Variants in DCLK1 observed in about 807,000 individuals in gnomAD.
The protein encoded by DCLK1 is doublecortin like kinase 1.
DCLK1 carries 16 observed loss-of-function variants against 86.2 expected under a neutral mutation model. That is an observed-to-expected ratio of 0.19 (90% confidence interval 0.13 to 0.28). DCLK1 has a LOEUF of 0.28. Among genes scored for constraint, DCLK1 ranks in the 10% least tolerant of loss-of-function variants. The pLI is 1.00. For missense variants in DCLK1, 590 were observed against 940.2 expected, an observed-to-expected ratio of 0.63 and a Z score of 4.87; for synonymous variants, 369 against 370.5, an observed-to-expected ratio of 1.00 and a Z score of 0.05.
chr13:35,774,632 T>C lies in DCLK1; in HGVS notation c.2126A>G (p.Tyr709Cys), dbSNP rs2086392756. ...RRRNQDVRSR[Y>C]KAQPAPPELN... ...TTCGGGAGGAGCTGGCTGCGCCTTG[T>C]ACCGGCTCCTCACATCCTGGTTGCG... Residue 709 changes from tyrosine (Y) to cysteine (C), a missense_variant, in exon 17 of 17, where the codon TAC becomes TGC. Coordinates refer to ENST00000360631, the MANE Select transcript of DCLK1 (RefSeq NM_001330071.2). 6.2e-7 allele frequency: 1 copy of C among 1,607,322 alleles called. No individual in the cohort carries two copies. Among genetic ancestry groups the C allele is most frequent in the Non-Finnish European group, 8.5e-7 (1 of 1,176,852 alleles).
chr13:35,862,624 A>T (rs1309799967), intron 5 of DCLK1, among the ~76,000 whole-genome samples: 1 of 152,196 alleles, frequency 6.6e-6, no homozygotes, highest in Admixed American at 6.5e-5. Flanking sequence ...ACCCTGTGCA[A>T]TTTGACCACA....
intron 5 of DCLK1, chr13:35,855,588 C>G (rs1020152156): frequency 1.3e-6 from 2 of 1,569,862 alleles, no homozygotes; most frequent in East Asian, 4.6e-5. Flanking sequence ...CAGCACTAAG[C>G]CAAGCACCCG....
chr13:35,961,725 A>G (rs921113087), intron 3 of DCLK1, among the ~76,000 whole-genome samples: 6 of 152,220 alleles, frequency 3.9e-5, no homozygotes, highest in Non-Finnish European at 8.8e-5. Flanking sequence ...CTAAGCATGA[A>G]CTACCACAAT....
intron 8 of DCLK1, among the ~76,000 whole-genome samples, chr13:35,828,965 T>A (rs985976282): frequency 1.3e-5 from 2 of 152,172 alleles, no homozygotes; most frequent in Non-Finnish European, 2.9e-5. Flanking sequence ...AACTCATAGA[T>A]GATATGGTCA....
At chr13:35,891,318 C>T (rs1191139503) in intron 4 of DCLK1, among the ~76,000 whole-genome samples, 2 of 152,096 alleles carry the variant, frequency 1.3e-5, no homozygotes, top group African/African-American at 2.4e-5. Flanking sequence ...TTTTAAAACA[C>T]TTTCAACCTT....
In DCLK1 at chr13:35,828,324, C is replaced by T; in HGVS notation, c.1230-17G>A. On this transcript the variant is annotated splice_polypyrimidine_tract_variant and intron_variant, in intron 8 of 16. Coordinates refer to ENST00000360631, the MANE Select transcript of DCLK1 (RefSeq NM_001330071.2). ...GCAGTCGATCTGCGAAGAGAAAGTT[C>T]ATGTTTTTAAAATGAAACTTAACTT... 1 of 1,597,784 alleles carries T rather than the reference C, an allele frequency of 6.3e-7. No homozygotes were observed. The highest frequency in any genetic ancestry group is 8.5e-7 in the Non-Finnish European group (1 of 1,174,728).
intron 3 of DCLK1, among the ~76,000 whole-genome samples, chr13:36,039,084 CT>C (rs1882610546): frequency 6.6e-6 from 1 of 152,214 alleles, no homozygotes; most frequent in Non-Finnish European, 1.5e-5. Context: ...GCATTTTGAT[CT>C]GTCACTGTTG....
intron 3 of DCLK1, among the ~76,000 whole-genome samples, chr13:36,047,944 T>C (rs1046779503): frequency 2.0e-5 from 3 of 152,034 alleles, no homozygotes; most frequent in Admixed American, 6.6e-5. Flanking sequence ...GGCGACAGAG[T>C]GAGACCTTGT....
rs770858785 is a variant in DCLK1, at chr13:36,125,913, G to A, written c.225C>T (p.Ala75=). 142 of 1,614,058 alleles carry A rather than the reference G, an allele frequency of 8.8e-5. No homozygotes were observed. Among genetic ancestry groups the A allele is most frequent in the Middle Eastern group, 6.6e-4 (4 of 6,084 alleles). Residue 75 remains alanine (A), a synonymous_variant, in exon 2 of 17, where the codon GCC becomes GCT. Coordinates refer to ENST00000360631, the MANE Select transcript of DCLK1 (RefSeq NM_001330071.2). ...AAGATCGGAACCGGTCTGGGGAGAT[G>A]GCATACACAATCCCTTTGAAGTATC... ...GDRYFKGIVY[A]ISPDRFRSFE...
At chr13:35,944,717 T>G (rs1877269615) in intron 4 of DCLK1, among the ~76,000 whole-genome samples, 2 of 151,448 alleles carry the variant, frequency 1.3e-5, no homozygotes, top group African/African-American at 4.9e-5. Flanking sequence ...CAAGAAAGGG[T>G]TAGGGTATTA....
At chr13:36,081,057 C>T (rs1884403976) in intron 3 of DCLK1, among the ~76,000 whole-genome samples, 1 of 152,126 alleles carries the variant, frequency 6.6e-6, no homozygotes, top group Admixed American at 6.5e-5. Context: ...TCAATAATTA[C>T]AGACTTCGGT....
chr13:35,879,512 T>G lies in DCLK1; in HGVS notation c.824-8172A>C, dbSNP rs1872765496. 4.6e-5 allele frequency among the ~76,000 whole-genome samples: 7 copies of G among 152,194 alleles called. No homozygotes were observed. In the South Asian group the frequency reaches 1.5e-3, roughly 32 times the overall value. On this transcript the variant is annotated intron_variant, in intron 4 of 16. Transcript: ENST00000360631. Reference sequence around the variant, plus strand: ...CCCTAACAGTCACATAAGAGAAAAGTTCATCTTTTCCTACATAACAGTGCA... The same window carrying G: ...CCCTAACAGTCACATAAGAGAAAAGGTCATCTTTTCCTACATAACAGTGCA...
intron 3 of DCLK1, among the ~76,000 whole-genome samples, chr13:36,082,681 C>T (rs1884461168): frequency 6.6e-6 from 1 of 152,182 alleles, no homozygotes; most frequent in African/African-American, 2.4e-5. Flanking sequence ...TTAGACCACC[C>T]TCAGAGAGCA....
rs141769528 is a variant in DCLK1, at chr13:36,091,309, T to C, written c.723+20560A>G. Among the ~76,000 whole-genome samples, 174 of 152,264 alleles carry C rather than the reference T, an allele frequency of 1.1e-3. 2 individuals carry two copies. The East Asian group carries it at 0.027, about 23-fold the overall frequency. The stretch of plus-strand genomic sequence containing the variant: ...GCAGCAAACCATGATGGCACATGTA[T>C]ACTATGCAACAAACCTGCACGTTCT... On this transcript the variant is annotated intron_variant, in intron 3 of 16. Coordinates refer to ENST00000360631, the MANE Select transcript of DCLK1 (RefSeq NM_001330071.2).
chr13:35,874,919 G>A (rs571154281), intron 4 of DCLK1, among the ~76,000 whole-genome samples: 1 of 152,336 alleles, frequency 6.6e-6, no homozygotes, highest in East Asian at 1.9e-4. Context: ...AAACTGGAAT[G>A]CCACAATGTC....
chr13:35,871,368 A>G (rs1474415049), intron 4 of DCLK1, 28 bp from the exon 5 acceptor site: 1 of 1,564,396 alleles, frequency 6.4e-7, no homozygotes, highest in Non-Finnish European at 8.8e-7. Context: ...ACCACACATC[A>G]TTATGGGGTA....
rs1301129425 is a variant in DCLK1, at chr13:36,111,883, A to C, written c.709T>G (p.Leu237Val). The C allele has an allele frequency of 6.2e-7, 1 of 1,612,196 alleles. No homozygotes were observed. The highest frequency in any genetic ancestry group is 8.5e-7 in the Non-Finnish European group (1 of 1,178,574). Residue 237 changes from leucine to valine, a missense_variant, in exon 3 of 17, where the codon TTG becomes GTG. Transcript: ENST00000360631. ...ATGTCTCTTACCTGTTTCCCATCCA[A>C]CGTGTACAGGCGTTTCACCACTCCC... is the stretch of plus-strand genomic sequence containing the variant. ...DSGVVKRLYTLDGKQVMCLQD... is the reference protein window; with the variant it reads ...DSGVVKRLYTVDGKQVMCLQD...
intron 4 of DCLK1, among the ~76,000 whole-genome samples, chr13:35,910,811 C>CA (rs1874974801): frequency 6.6e-6 from 1 of 152,192 alleles, no homozygotes; most frequent in African/African-American, 2.4e-5. Context: ...AAAAGAAGAG[C>CA]ATCCTTCACA....
At chr13:35,971,512 CA>C (rs1268010106) in intron 3 of DCLK1, among the ~76,000 whole-genome samples, 8 of 152,164 alleles carry the variant, frequency 5.3e-5, no homozygotes, top group African/African-American at 1.9e-4. Context: ...CTTGTAATCC[CA>C]GCACTTTGGG....
Sources: gnomAD v4.1 joint callset for allele counts (sites outside exome capture counted in the v4.1 genomes callset) on GRCh38, gnomAD v4.1.1 for gene constraint, MANE v1.5 for transcripts, NCBI Gene and HGNC (gene_info 2026-07-23, HGNC 2026-07-21) for gene names.